PDE2A: variants seen among roughly 807,000 people sequenced by gnomAD.
PDE2A encodes cGMP-dependent 3',5'-cyclic phosphodiesterase.
Under a neutral mutation model 133.6 loss-of-function variants are expected in PDE2A, and 53 were observed. The ratio of observed to expected loss-of-function variants is 0.40; its 90% CI spans 0.32 to 0.50. The LOEUF is 0.50. Ranked by LOEUF, PDE2A falls within the 20% of genes least tolerant of loss-of-function variation. PDE2A has a pLI of 0.73. For synonymous variants in PDE2A, 491 were observed against 490.2 expected, an observed-to-expected ratio of 1.00 and a Z score of -0.02; for missense variants, 796 against 1,232.4, an observed-to-expected ratio of 0.65 and a Z score of 5.30.
At chr11:72,615,168 C>T (rs546297186) in intron 2 of PDE2A, 40 of 451,546 alleles carry the variant, frequency 8.9e-5, no homozygotes, top group South Asian at 6.3e-4. Context: ...GTGTCCCCAT[C>T]CACAGGAGCC....
rs34217943 is a variant in PDE2A, at chr11:72,664,364, A to ATTTTTTTTTTTTTTTTT, written c.71+9756_71+9772dup. On this transcript the variant is annotated intron_variant, in intron 1 of 30. Coordinates refer to ENST00000334456, the MANE Select transcript of PDE2A (RefSeq NM_002599.5). ...CAAAATAGGGCTAGCCCCTTGAAGG[A>ATTTTTTTTTTTTTTTTT]TTTTTTTTTTTTTTTTTTTTTTTTT... 1.6e-4 allele frequency among the ~76,000 whole-genome samples: 11 copies of ATTTTTTTTTTTTTTTTT among 70,104 alleles called. 2 individuals are homozygous for ATTTTTTTTTTTTTTTTT. Among genetic ancestry groups the ATTTTTTTTTTTTTTTTT allele is most frequent in the East Asian group, 4.0e-4 (1 of 2,526 alleles). The allele number at this position is 70,104 out of a possible 152,430, so 46.0% of individuals were successfully genotyped here.
At chr11:72,664,648 C>T (rs1356922990) in intron 1 of PDE2A, among the ~76,000 whole-genome samples, 1 of 151,904 alleles carries the variant, frequency 6.6e-6, no homozygotes, top group Non-Finnish European at 1.5e-5. Context: ...ACTGGGATTA[C>T]AGGTGTGAGC....
chr11:72,589,876 C>T (rs1856155168), intron 10 of PDE2A, 31 bp downstream of exon 10: 1 of 1,609,298 alleles, frequency 6.2e-7, no homozygotes, highest in Non-Finnish European at 8.5e-7. Flanking sequence ...CCCAGCCCCG[C>T]CCCCGCTCTA....
chr11:72,673,846 C>G (rs7126790), intron 1 of PDE2A, among the ~76,000 whole-genome samples: 76,523 of 151,620 alleles, frequency 0.5, 19,792 homozygotes, highest in Middle Eastern at 0.69. Flanking sequence ...CCTTGAAGAA[C>G]CGGTTCAGGT....
chr11:72,600,360 G>A (rs969087767), intron 4 of PDE2A, among the ~76,000 whole-genome samples: 6 of 152,104 alleles, frequency 3.9e-5, no homozygotes, highest in African/African-American at 7.2e-5. Context: ...TTGATAAGCC[G>A]AGATGCCCCC....
intron 2 of PDE2A, among the ~76,000 whole-genome samples, chr11:72,635,518 G>A (rs7935955): frequency 1.7e-3 from 259 of 152,230 alleles, no homozygotes; most frequent in African/African-American, 6.0e-3. Flanking sequence ...TCAGAATGTC[G>A]GAATCACACA....
chr11:72,665,129 C>T (rs769952857), intron 1 of PDE2A, among the ~76,000 whole-genome samples: 20 of 152,058 alleles, frequency 1.3e-4, no homozygotes, highest in African/African-American at 3.9e-4. Flanking sequence ...AAGACAACTC[C>T]GAATTACCTG....
At chr11:72,604,825 G>T (rs913203314) in intron 4 of PDE2A, among the ~76,000 whole-genome samples, 8 of 152,356 alleles carry the variant, frequency 5.3e-5, no homozygotes, top group Non-Finnish European at 1.0e-4. Context: ...TGTTCTAACT[G>T]ATACACCCCA....
At chr11:72,613,931 A>C (rs1183841565) in intron 2 of PDE2A, among the ~76,000 whole-genome samples, 2 of 152,192 alleles carry the variant, frequency 1.3e-5, no homozygotes, top group Non-Finnish European at 2.9e-5. Context: ...TGTGCCTAGC[A>C]TGGGTCTGGC....
chr11:72,635,458 T>A (rs1211104095), intron 2 of PDE2A, among the ~76,000 whole-genome samples: 1 of 152,190 alleles, frequency 6.6e-6, no homozygotes, highest in Non-Finnish European at 1.5e-5. Flanking sequence ...AATCCTAGAT[T>A]CACAGAATGT....
chr11:72,595,417 G>T (rs1045733901), intron 6 of PDE2A, among the ~76,000 whole-genome samples: 2 of 151,964 alleles, frequency 1.3e-5, no homozygotes, highest in South Asian at 4.2e-4. Context: ...TCCAGAAACC[G>T]GGGGTGGGGG....
Position 72,674,400 on chromosome 11 carries a change from G to A in PDE2A, c.-193C>T. On this transcript the variant is annotated 5_prime_UTR_variant, in exon 1 of 31. Coordinates refer to ENST00000334456, the MANE Select transcript of PDE2A (RefSeq NM_002599.5). ...TGCTCCCGCCTCTCCCGCTGCCACT[G>A]CCTCTGCTGCTCGGCTGGCTCTGGG... The A allele has an allele frequency of 1.7e-6, 1 of 579,050 alleles. No individual in the cohort carries two copies. The highest frequency in any genetic ancestry group is 3.1e-6 in the Non-Finnish European group (1 of 326,064). The allele number at this position is 579,050 out of a possible 1,614,324, so 35.9% of individuals were successfully genotyped here.
At chr11:72,669,841 T>G (rs1181922921) in intron 1 of PDE2A, among the ~76,000 whole-genome samples, 2 of 152,220 alleles carry the variant, frequency 1.3e-5, no homozygotes, top group African/African-American at 4.8e-5. Context: ...GTCTCTTTTG[T>G]TCACTGAACA....
Position 72,584,154 on chromosome 11 carries a change from G to GC in PDE2A, c.1650+46dup, listed in dbSNP as rs1591018313. On this transcript the variant is annotated intron_variant, in intron 19 of 30. Coordinates refer to ENST00000334456, the MANE Select transcript of PDE2A (RefSeq NM_002599.5). ...GAGGAGAACCGAGGGTCCTTCGTGGGCCCCGCCCCCTATCACCCCACACCC... is the reference window on the plus strand; with the variant it reads ...GAGGAGAACCGAGGGTCCTTCGTGGGCCCCCGCCCCCTATCACCCCACACCC... 5 of 848,780 alleles carry GC rather than the reference G, an allele frequency of 5.9e-6. No individual in the cohort carries two copies. In the Admixed American group the frequency reaches 8.2e-5, roughly 14 times the overall value. The allele number at this position is 848,780 out of a possible 1,614,324, so 52.6% of individuals were successfully genotyped here. A position where few individuals can be genotyped will look rare whatever the true frequency, so the allele number is the denominator to read the frequency against.
At chr11:72,585,288 G>T in intron 16 of PDE2A, 83 bp downstream of exon 16, 1 of 1,139,232 alleles carries the variant, frequency 8.8e-7, no homozygotes, top group Non-Finnish European at 1.3e-6. Context: ...CAGAGAAAGG[G>T]AAGTGGGTGG....
At chr11:72,636,427 C>A (rs1401613497) in intron 2 of PDE2A, among the ~76,000 whole-genome samples, 1 of 152,186 alleles carries the variant, frequency 6.6e-6, no homozygotes, top group Non-Finnish European at 1.5e-5. Flanking sequence ...ACACCCTTTG[C>A]CCAGGGCAGA....
chr11:72,627,045 C>T (rs1422245861), intron 2 of PDE2A, among the ~76,000 whole-genome samples: 2 of 152,220 alleles, frequency 1.3e-5, no homozygotes, highest in East Asian at 3.8e-4. Flanking sequence ...CCTTGACCCT[C>T]TCCATCCTTC....
chr11:72,584,966 C>G, intron 16 of PDE2A, 22 bp from the exon 17 acceptor site: 2 of 1,611,810 alleles, frequency 1.2e-6, no homozygotes, highest in Non-Finnish European at 1.7e-6. Context: ...GGGGTTTGGT[C>G]CTCTGGGGCC....
intron 2 of PDE2A, among the ~76,000 whole-genome samples, chr11:72,621,525 A>G (rs1857768842): frequency 6.6e-6 from 1 of 152,244 alleles, no homozygotes; most frequent in Non-Finnish European, 1.5e-5. Flanking sequence ...GGTGACACAC[A>G]GTCATTTCAG....
Sources: allele counts gnomAD v4.1 joint callset (sites outside exome capture counted in the v4.1 genomes callset), GRCh38; gene constraint gnomAD v4.1.1; transcripts MANE v1.5; gene names NCBI Gene and HGNC (gene_info 2026-07-23, HGNC 2026-07-21).